Variants in TPRG1 observed in about 807,000 individuals in gnomAD.
The protein encoded by TPRG1 is tumor protein p63-regulated gene 1 protein.
TPRG1 carries 29 observed loss-of-function variants against 29.3 expected under a neutral mutation model. The observed-to-expected ratio is 0.99, with a 90% CI of 0.74 to 1.35. The LOEUF is 1.35. Ranked by LOEUF, TPRG1 falls within the 40% of genes most tolerant of loss-of-function variation. The pLI is 0.00. For synonymous variants in TPRG1, 130 were observed against 116.8 expected, an observed-to-expected ratio of 1.11 and a Z score of -0.73; for missense variants, 327 against 335.0, an observed-to-expected ratio of 0.98 and a Z score of 0.19.
At chr3:189,182,977 C>A (rs1044748822) in intron 1 of TPRG1, among the ~76,000 whole-genome samples, 2 of 152,106 alleles carry the variant, frequency 1.3e-5, no homozygotes, top group Non-Finnish European at 2.9e-5. Flanking sequence ...ATTCTCTGAG[C>A]AATTTTCAAG....
At chr3:189,284,070 T>A (rs1032979525) in intron 4 of TPRG1, among the ~76,000 whole-genome samples, 24 of 152,232 alleles carry the variant, frequency 1.6e-4, no homozygotes, top group Admixed American at 5.2e-4. Context: ...TACAAGGACA[T>A]GTATCCTCTG....
intron 4 of TPRG1, among the ~76,000 whole-genome samples, chr3:189,081,612 A>G (rs1379097101): frequency 5.3e-5 from 8 of 152,238 alleles, no homozygotes; most frequent in Non-Finnish European, 8.8e-5. Flanking sequence ...AAAACACCTT[A>G]CATGGTTCAC....
At chr3:189,073,619 A>G (rs769365263) in intron 4 of TPRG1, among the ~76,000 whole-genome samples, 6 of 151,932 alleles carry the variant, frequency 3.9e-5, no homozygotes, top group Non-Finnish European at 7.4e-5. Context: ...TTTTGTTTTG[A>G]ATATGTAGAT....
chr3:189,271,060 G>A (rs758884470), intron 4 of TPRG1, among the ~76,000 whole-genome samples: 14 of 152,088 alleles, frequency 9.2e-5, no homozygotes, highest in Admixed American at 2.0e-4. Flanking sequence ...GCAGGAGAGT[G>A]GTTGACTTTT....
chr3:189,128,962 T>G (rs1269825868), intron 2 of TPRG1, among the ~76,000 whole-genome samples: 1 of 152,150 alleles, frequency 6.6e-6, no homozygotes, highest in African/African-American at 2.4e-5. Context: ...AAACTTCTTA[T>G]TTTGAGATAA....
At chr3:189,144,889 C>T (rs992676168) in intron 3 of TPRG1, among the ~76,000 whole-genome samples, 3 of 152,204 alleles carry the variant, frequency 2.0e-5, no homozygotes, top group Non-Finnish European at 4.4e-5. Flanking sequence ...GAAATATAGG[C>T]AGGGTCATGT....
chr3:189,207,433 C>G lies in TPRG1; in HGVS notation c.49C>G (p.Gln17Glu). The G allele has an allele frequency of 6.2e-7, 1 of 1,613,986 alleles. No individual in the cohort carries two copies. Among genetic ancestry groups the G allele is most frequent in the East Asian group, 2.2e-5 (1 of 44,870 alleles). ...FEGFQAVSLK[Q>E]EGDDQPSETD... ...AGGATTCCAGGCTGTGTCTCTGAAG[C>G]AAGAGGGAGATGACCAACCCTCTGA... The change falls in exon 2 of 6, where the codon CAA becomes GAA. Residue 17 changes from glutamine (Q) to glutamate (E), a missense_variant. Coordinates refer to ENST00000345063, the MANE Select transcript of TPRG1 (RefSeq NM_198485.4).
chr3:189,203,963 C>T (rs965479420), intron 1 of TPRG1, among the ~76,000 whole-genome samples: 2 of 150,246 alleles, frequency 1.3e-5, no homozygotes, highest in Non-Finnish European at 2.9e-5. Flanking sequence ...ATTGCATGAA[C>T]CCAGGAGGCG....
intron 4 of TPRG1, among the ~76,000 whole-genome samples, chr3:189,082,952 G>A (rs1717699930): frequency 6.6e-6 from 1 of 152,084 alleles, no homozygotes; most frequent in Non-Finnish European, 1.5e-5. Context: ...TTACCTGAAG[G>A]AAGAGAAATG....
At chr3:189,257,700 A>T (rs549800124) in intron 4 of TPRG1, among the ~76,000 whole-genome samples, 1 of 152,028 alleles carries the variant, frequency 6.6e-6, no homozygotes, top group South Asian at 2.1e-4. Flanking sequence ...GGCTTTGTTC[A>T]TTTCTTTTCA....
chr3:189,313,530 CAT>C (rs1723027062), intron 5 of TPRG1, among the ~76,000 whole-genome samples: 2 of 152,120 alleles, frequency 1.3e-5, no homozygotes, highest in African/African-American at 4.8e-5. Flanking sequence ...GAGGGAATAA[CAT>C]AGAGCTGAGT....
At chr3:189,192,790 A>G (rs1731897580) in intron 1 of TPRG1, among the ~76,000 whole-genome samples, 1 of 151,764 alleles carries the variant, frequency 6.6e-6, no homozygotes, top group Non-Finnish European at 1.5e-5. Flanking sequence ...CAAACTTTTG[A>G]TGTTTTCTTG....
intron 4 of TPRG1, among the ~76,000 whole-genome samples, chr3:189,256,869 C>T (rs954006504): frequency 6.6e-6 from 1 of 152,146 alleles, no homozygotes; most frequent in South Asian, 2.1e-4. Context: ...AAATCTTCCT[C>T]CATCCCTTTA....
At chr3:189,025,054 C>A (rs955688703) in intron 4 of TPRG1, among the ~76,000 whole-genome samples, 1 of 152,206 alleles carries the variant, frequency 6.6e-6, no homozygotes, top group African/African-American at 2.4e-5. Flanking sequence ...CAGCCCCCTT[C>A]CTAGGGGTAT....
At chr3:189,243,599 TTTC>T (rs1358500575) in intron 4 of TPRG1, among the ~76,000 whole-genome samples, 1 of 140,930 alleles carries the variant, frequency 7.1e-6, no homozygotes, top group Non-Finnish European at 1.5e-5. Context: ...TTTTATGCTG[TTTC>T]TTCTTTAAAC....
chr3:189,304,469 A>G (rs1413942198), intron 4 of TPRG1, among the ~76,000 whole-genome samples: 2 of 152,148 alleles, frequency 1.3e-5, no homozygotes, highest in South Asian at 4.1e-4. Flanking sequence ...CTTGCCAGTA[A>G]GTGGTTAATC....
chr3:189,052,708 T>C (rs939010349), intron 4 of TPRG1, among the ~76,000 whole-genome samples: 1 of 152,014 alleles, frequency 6.6e-6, no homozygotes, highest in African/African-American at 2.4e-5. Context: ...CATCAATCAA[T>C]GAGTGGATAA....
At chr3:189,046,556 T>G (rs1329301158) in intron 4 of TPRG1, among the ~76,000 whole-genome samples, 1 of 152,340 alleles carries the variant, frequency 6.6e-6, no homozygotes, top group African/African-American at 2.4e-5. Context: ...ATGATTCATC[T>G]GACAAACTAG....
Position 189,131,220 on chromosome 3 carries a change from A to C in TPRG1, c.-589-1179A>C, listed in dbSNP as rs528793822. 6.3e-4 allele frequency among the ~76,000 whole-genome samples: 96 copies of C among 152,282 alleles called. 1 individual carries two copies. Among genetic ancestry groups the C allele is most frequent in the African/African-American group, 2.2e-3 (92 of 41,570 alleles). ...ATTCCAACTTGGGCTTCAGTGTTTAAATTGGTGCTAAAGAAATCCCTAATG... is the reference window on the plus strand; with the variant it reads ...ATTCCAACTTGGGCTTCAGTGTTTACATTGGTGCTAAAGAAATCCCTAATG... On this transcript the variant is annotated intron_variant, in intron 2 of 6. Coordinates refer to the TPRG1 transcript ENST00000412373.
Sources: allele counts gnomAD v4.1 joint callset (sites outside exome capture counted in the v4.1 genomes callset), GRCh38; gene constraint gnomAD v4.1.1; transcripts MANE v1.5; gene names NCBI Gene and HGNC (gene_info 2026-07-23, HGNC 2026-07-21).